Variants in KCNJ6 observed in about 807,000 individuals in gnomAD.
The protein encoded by KCNJ6 is G protein-activated inward rectifier potassium channel 2.
In KCNJ6, 9 loss-of-function variants were observed where a neutral mutation model predicts 34.2. That is an observed-to-expected ratio of 0.26 (90% CI 0.16 to 0.46). The LOEUF (loss-of-function observed/expected upper bound fraction) is 0.46. Ranked by LOEUF, KCNJ6 falls within the 20% of genes least tolerant of loss-of-function variation. KCNJ6 has a pLI of 1.00. For missense variants in KCNJ6, 236 were observed against 531.3 expected, an observed-to-expected ratio of 0.44 and a Z score of 5.46; for synonymous variants, 196 against 207.1, an observed-to-expected ratio of 0.95 and a Z score of 0.46.
Position 37,741,592 on chromosome 21 carries a change from G to A in KCNJ6, c.26-26461C>T, listed in dbSNP as rs140268032. On this transcript the variant is annotated intron_variant, in intron 2 of 3. Coordinates refer to ENST00000609713, the MANE Select transcript of KCNJ6 (RefSeq NM_002240.5). ...CCTCTCCTTTCCTTCTTGGTGACTA[G>A]CCTTGCCCATGCCTCCACAGAGTTC... Among the ~76,000 whole-genome samples the A allele has an allele frequency of 2.0e-5, 3 of 152,198 alleles. No homozygotes were observed. The East Asian group carries it at 5.8e-4, about 29-fold the overall frequency.
intron 3 of KCNJ6, among the ~76,000 whole-genome samples, chr21:37,631,901 G>C (rs1032518263): frequency 1.6e-4 from 25 of 152,168 alleles, no homozygotes; most frequent in African/African-American, 5.8e-4. Context: ...AACTGAGAGA[G>C]AGCCTGTCTT....
chr21:37,758,556 A>G (rs2835941), intron 2 of KCNJ6, among the ~76,000 whole-genome samples: 11,411 of 152,256 alleles, frequency 0.075, 502 homozygotes, highest in African/African-American at 0.12. Context: ...CTGAATATCT[A>G]CCCGTCAACT....
intron 2 of KCNJ6, among the ~76,000 whole-genome samples, chr21:37,791,294 A>C (rs1183984104): frequency 6.6e-6 from 1 of 152,190 alleles, no homozygotes; most frequent in Non-Finnish European, 1.5e-5. Context: ...TGATAGTGTT[A>C]CTCTTGAAGG....
At chr21:37,869,793 A>G (rs1425729245) in intron 1 of KCNJ6, among the ~76,000 whole-genome samples, 2 of 152,124 alleles carry the variant, frequency 1.3e-5, no homozygotes, top group Non-Finnish European at 2.9e-5. Flanking sequence ...TGGAAAACCT[A>G]CTCATCCCCT....
chr21:37,855,731 G>A (rs952964959), intron 1 of KCNJ6, among the ~76,000 whole-genome samples: 7 of 152,064 alleles, frequency 4.6e-5, no homozygotes, highest in African/African-American at 1.2e-4. Context: ...TAGCACTGCC[G>A]AGCCAAGAAA....
At chr21:37,633,354 TTGA>T (rs965440796) in intron 3 of KCNJ6, among the ~76,000 whole-genome samples, 15 of 152,292 alleles carry the variant, frequency 9.8e-5, no homozygotes, top group Admixed American at 4.6e-4. Flanking sequence ...ATCATTATTT[TTGA>T]TGATGATGAT....
At chr21:37,676,814 CA>C (rs1424837189) in intron 3 of KCNJ6, among the ~76,000 whole-genome samples, 1 of 152,238 alleles carries the variant, frequency 6.6e-6, no homozygotes, top group Non-Finnish European at 1.5e-5. Context: ...ATGGCCCCTG[CA>C]ACAGAGAGTG....
intron 3 of KCNJ6, among the ~76,000 whole-genome samples, chr21:37,671,846 A>C (rs944977781): frequency 6.6e-6 from 1 of 151,930 alleles, no homozygotes; most frequent in African/African-American, 2.4e-5. Flanking sequence ...CGAGATGCGG[A>C]GTTTGTTTCT....
Position 37,613,245 on chromosome 21 carries a change from G to A in KCNJ6, c.*11914C>T, listed in dbSNP as rs1370130364. 2.6e-5 allele frequency: 4 copies of A among 152,110 alleles called. No homozygotes were observed. The highest frequency in any genetic ancestry group is 2.4e-5 in the African/African-American group (1 of 41,422). The allele number at this position is 152,110 out of a possible 1,614,324, so 9.4% of individuals were successfully genotyped here. On this transcript the variant is annotated 3_prime_UTR_variant, in exon 4 of 4. Transcript: ENST00000609713. ...ATTAAAACAGCAATGAAACACCACC[G>A]TACATCTTTTAGAATGGCCCAAATG...
intron 1 of KCNJ6, among the ~76,000 whole-genome samples, chr21:37,884,727 C>T (rs2055726733): frequency 6.6e-6 from 1 of 152,176 alleles, no homozygotes; most frequent in South Asian, 2.1e-4. Context: ...CTCTCATCCC[C>T]AGGGACCTAG....
At chr21:37,724,515 G>A (rs988786794) in intron 2 of KCNJ6, among the ~76,000 whole-genome samples, 1 of 152,188 alleles carries the variant, frequency 6.6e-6, no homozygotes, top group Non-Finnish European at 1.5e-5. Flanking sequence ...GATGGCAGTG[G>A]ATTTGGGGCT....
intron 1 of KCNJ6, among the ~76,000 whole-genome samples, chr21:37,890,949 C>A (rs1338856133): frequency 1.3e-5 from 2 of 152,194 alleles, no homozygotes; most frequent in Non-Finnish European, 2.9e-5. Context: ...TAATAAAAAT[C>A]TTTCCTGTAA....
At chr21:37,625,756 C>A (rs1255293535) in intron 3 of KCNJ6, among the ~76,000 whole-genome samples, 1 of 152,250 alleles carries the variant, frequency 6.6e-6, no homozygotes, top group Non-Finnish European at 1.5e-5. Flanking sequence ...CAAAGGAAAT[C>A]AAGTGTGCAA....
intron 2 of KCNJ6, among the ~76,000 whole-genome samples, chr21:37,748,553 T>C (rs1271695505): frequency 6.6e-6 from 1 of 152,160 alleles, no homozygotes; most frequent in Non-Finnish European, 1.5e-5. Context: ...TGTGGCAATA[T>C]GAAGGATTCT....
intron 2 of KCNJ6, among the ~76,000 whole-genome samples, chr21:37,732,792 C>T (rs1205890084): frequency 6.6e-6 from 1 of 152,150 alleles, no homozygotes; most frequent in African/African-American, 2.4e-5. Flanking sequence ...TGTCCCTCTC[C>T]TGGGGATGAC....
At chr21:37,832,346 T>C (rs1267984715) in intron 2 of KCNJ6, among the ~76,000 whole-genome samples, 1 of 151,830 alleles carries the variant, frequency 6.6e-6, no homozygotes, top group Non-Finnish European at 1.5e-5. Flanking sequence ...AAGGGTCATT[T>C]AGCACCTTAA....
intron 2 of KCNJ6, among the ~76,000 whole-genome samples, chr21:37,716,705 T>C (rs1318758642): frequency 6.6e-6 from 1 of 152,218 alleles, no homozygotes; most frequent in Admixed American, 6.5e-5. Context: ...ATGGCTTTCA[T>C]GATTAATGCA....
chr21:37,714,062 C>CA lies in KCNJ6; in HGVS notation c.946+148dup. ...CTTGGTGGATATACTTCAGGTGAGA[C>CA]ATGTAGGCATACTATGTCATGAAGC... is the stretch of plus-strand genomic sequence containing the variant. On this transcript the variant is annotated intron_variant, in intron 3 of 3. Transcript: ENST00000609713. The surrounding 1 kb of genome is among the most constrained non-coding windows in gnomAD (Gnocchi z 5.9). 4.6e-6 allele frequency: 3 copies of CA among 657,524 alleles called. No homozygotes were observed. Among genetic ancestry groups the CA allele is most frequent in the Non-Finnish European group, 8.0e-6 (3 of 374,852 alleles). The allele number at this position is 657,524 out of a possible 1,614,324, so 40.7% of individuals were successfully genotyped here.
At chr21:37,740,552 C>A (rs1171642504) in intron 2 of KCNJ6, among the ~76,000 whole-genome samples, 1 of 152,170 alleles carries the variant, frequency 6.6e-6, no homozygotes, top group African/African-American at 2.4e-5. Context: ...CAATGTATTT[C>A]TGAAATGTAT....
Sources: gnomAD v4.1 joint callset for allele counts (sites outside exome capture counted in the v4.1 genomes callset) on GRCh38, gnomAD v4.1.1 for gene constraint, Gnocchi (gnomAD v3.1) non-coding constraint, MANE v1.5 for transcripts, NCBI Gene and HGNC (gene_info 2026-07-23, HGNC 2026-07-21) for gene names.